Variants in RAPGEF2 observed in about 807,000 individuals in gnomAD.
RAPGEF2 encodes Rap guanine nucleotide exchange factor 2, also known as PDZ domain containing guanine nucleotide exchange factor (GEF) 1.
A neutral mutation model predicts 186.7 loss-of-function variants in RAPGEF2; 54 were observed. That is an observed-to-expected ratio of 0.29 (90% CI 0.23 to 0.36). The LOEUF (loss-of-function observed/expected upper bound fraction) is 0.36. Ranked by LOEUF, RAPGEF2 falls within the 10% of genes least tolerant of loss-of-function variation. RAPGEF2 has a pLI of 1.00. For missense variants in RAPGEF2, 1,532 were observed against 2,045.0 expected (o/e 0.75, Z 4.84); for synonymous variants, 712 against 705.9 (o/e 1.01, Z -0.14).
At position 159,353,461 on chromosome 4, in the gene RAPGEF2, C is replaced by A; in HGVS notation, c.4092-26C>A. On this transcript the variant is annotated intron_variant, in intron 27 of 29. Transcript: ENST00000691494. The surrounding 1 kb of genome is among the most constrained non-coding windows in gnomAD (Gnocchi z 4.3). ...TAGTTATCAATCTTGTTTTTTTTTT[C>A]TTTTCCATTTCTTTTAACCACTTAG... 2 of 1,355,346 alleles carry A rather than the reference C, an allele frequency of 1.5e-6. No homozygotes were observed. Among genetic ancestry groups the A allele is most frequent in the South Asian group, 2.2e-5 (1 of 45,418 alleles). 84.0% of individuals were successfully genotyped at this position (1,355,346 alleles called of 1,614,324 possible). A position where few individuals can be genotyped will look rare whatever the true frequency, so the allele number is the denominator to read the frequency against.
chr4:159,298,508 A>C (rs1474579536), intron 7 of RAPGEF2, among the ~76,000 whole-genome samples: 1 of 152,224 alleles, frequency 6.6e-6, no homozygotes, highest in Non-Finnish European at 1.5e-5. Flanking sequence ...GCTACTAAAA[A>C]ATTTCCTGCC....
intron 1 of RAPGEF2, among the ~76,000 whole-genome samples, chr4:159,183,838 C>T (rs1747272511): frequency 6.6e-6 from 1 of 152,106 alleles, no homozygotes; most frequent in African/African-American, 2.4e-5. Flanking sequence ...GTGTGCTGCA[C>T]CCATTAACTC....
intron 1 of RAPGEF2, among the ~76,000 whole-genome samples, chr4:159,170,451 A>G (rs1745792721): frequency 6.6e-6 from 1 of 152,246 alleles, no homozygotes; most frequent in African/African-American, 2.4e-5. Flanking sequence ...AGTAAAAAAG[A>G]CAATACAGTA....
chr4:159,335,784 C>T (rs781013637), intron 17 of RAPGEF2, among the ~76,000 whole-genome samples: 2 of 140,642 alleles, frequency 1.4e-5, no homozygotes, highest in Non-Finnish European at 1.5e-5. Context: ...TGCAGTGAGC[C>T]GAGATTGTGC....
At chr4:159,323,720 A>ATTT (rs33969988) in intron 11 of RAPGEF2, 103 bp downstream of exon 11, 481 of 484,116 alleles carry the variant, frequency 9.9e-4, no homozygotes, top group Non-Finnish European at 1.2e-3. Context: ...CTTACAAATA[A>ATTT]TTTTTTTTTT....
At chr4:159,269,180 A>G (rs990481469) in intron 7 of RAPGEF2, among the ~76,000 whole-genome samples, 12 of 152,190 alleles carry the variant, frequency 7.9e-5, no homozygotes, top group African/African-American at 2.7e-4. Flanking sequence ...TAGAATATTT[A>G]GATGCTGAGG....
chr4:159,220,874 A>G (rs1400954582), intron 4 of RAPGEF2, among the ~76,000 whole-genome samples: 1 of 152,228 alleles, frequency 6.6e-6, no homozygotes, highest in African/African-American at 2.4e-5. Context: ...TAAAAAAATC[A>G]CTTTAAAAAG....
intron 3 of RAPGEF2, among the ~76,000 whole-genome samples, chr4:159,201,306 G>A (rs1749383594): frequency 6.6e-6 from 1 of 152,170 alleles, no homozygotes. Flanking sequence ...TATCTGGAAA[G>A]CCATCTGTCT....
chr4:159,322,584 C>A, intron 10 of RAPGEF2, 101 bp downstream of exon 10: 1 of 917,708 alleles, frequency 1.1e-6, no homozygotes, highest in African/African-American at 1.7e-5. Flanking sequence ...TTTTAATACC[C>A]AACAACAGTA....
intron 8 of RAPGEF2, among the ~76,000 whole-genome samples, chr4:159,306,119 G>C (rs1027551195): frequency 6.6e-6 from 1 of 150,448 alleles, no homozygotes; most frequent in African/African-American, 2.4e-5. Context: ...AGGCTCTTTT[G>C]TGATTACGTA....
rs867411451 is a variant in RAPGEF2 at position 159,103,658 on chromosome 4, G to C, written c.-505G>C. On this transcript the variant is annotated 5_prime_UTR_variant, in exon 1 of 30. Transcript: ENST00000691494. ...AAGTGATTCTCGGAGACCCCTGGGC[G>C]GCGGCTGCGCAAGCCCCTGAGAGGA... is the stretch of plus-strand genomic sequence containing the variant. The C allele has an allele frequency of 4.3e-4, 66 of 152,738 alleles. No homozygotes were observed. The highest frequency in any genetic ancestry group is 1.5e-3 in the African/African-American group (63 of 41,586). The allele number at this position is 152,738 out of a possible 1,614,324, so 9.5% of individuals were successfully genotyped here.
chr4:159,311,967 A>G (rs1763999061), intron 8 of RAPGEF2, among the ~76,000 whole-genome samples: 1 of 152,200 alleles, frequency 6.6e-6, no homozygotes, highest in African/African-American at 2.4e-5. Flanking sequence ...TTCTTAAAGC[A>G]TGGAATGCAC....
chr4:159,164,340 C>T (rs1187870248), intron 1 of RAPGEF2, among the ~76,000 whole-genome samples: 5 of 145,608 alleles, frequency 3.4e-5, no homozygotes, highest in Admixed American at 2.1e-4. Flanking sequence ...CTTTATTAAA[C>T]GGGAGAGACA....
Position 159,345,309 on chromosome 4 carries a change from G to A in RAPGEF2, c.3482G>A (p.Cys1161Tyr). 1.2e-6 allele frequency: 2 copies of A among 1,614,138 alleles called. No individual in the cohort carries two copies. The highest frequency in any genetic ancestry group is 1.3e-5 in the African/African-American group (1 of 75,058). Residue 1161 changes from cysteine (C) to tyrosine (Y), a missense_variant, in exon 24 of 30, where the codon TGT becomes TAT. By Grantham distance (194) the Cys-to-Tyr change is radical. Coordinates refer to ENST00000691494, the MANE Select transcript of RAPGEF2 (RefSeq NM_001394067.2). ...EESLQTLSLQ[C>Y]EPATNTLPKN... ...AGTCTTCAGACATTATCTCTGCAGT[G>A]TGAGCCAGCAACCAACACATGTGAG...
intron 1 of RAPGEF2, among the ~76,000 whole-genome samples, chr4:159,152,566 A>G (rs144985314): frequency 4.6e-5 from 7 of 152,316 alleles, no homozygotes; most frequent in African/African-American, 1.7e-4. Context: ...GAGATGGTCT[A>G]GAAAGTTCTT....
chr4:159,323,865 A>G (rs1423158379), intron 11 of RAPGEF2, among the ~76,000 whole-genome samples: 4 of 143,386 alleles, frequency 2.8e-5, no homozygotes, highest in Non-Finnish European at 4.6e-5. Context: ...ATTACAGGCA[A>G]TCGCCACCAC....
At chr4:159,192,964 G>A (rs1280897268) in intron 2 of RAPGEF2, among the ~76,000 whole-genome samples, 1 of 152,060 alleles carries the variant, frequency 6.6e-6, no homozygotes, top group African/African-American at 2.4e-5. Flanking sequence ...AAATAAACAT[G>A]GTGAAGTTGA....
chr4:159,178,704 C>T (rs1442125921), intron 1 of RAPGEF2, among the ~76,000 whole-genome samples: 2 of 151,940 alleles, frequency 1.3e-5, no homozygotes, highest in Non-Finnish European at 2.9e-5. Context: ...CTTACAGGTG[C>T]ACACTACCAC....
intron 9 of RAPGEF2, among the ~76,000 whole-genome samples, chr4:159,321,615 C>T (rs532682754): frequency 6.6e-6 from 1 of 152,120 alleles, no homozygotes; most frequent in Non-Finnish European, 1.5e-5. Flanking sequence ...AAGGAAAGAA[C>T]TTAGTGTGTA....
Sources: allele counts gnomAD v4.1 joint callset (sites outside exome capture counted in the v4.1 genomes callset), GRCh38; gene constraint gnomAD v4.1.1; non-coding constraint Gnocchi (gnomAD v3.1); transcripts MANE v1.5; gene names NCBI Gene and HGNC (gene_info 2026-07-23, HGNC 2026-07-21).